The following IFNGR2 variants were observed in gnomAD, a reference collection of about 807,000 sequenced individuals.
IFNGR2 encodes the protein IFN-gamma receptor 2.
Under a neutral mutation model 41.1 loss-of-function variants are expected in IFNGR2, and 15 were observed. The observed-to-expected ratio is 0.37, with a 90% CI of 0.24 to 0.56. The LOEUF is 0.56. Among genes scored for constraint, IFNGR2 ranks in the 20% least tolerant of loss-of-function variants. The pLI is 0.81. For synonymous variants in IFNGR2, 161 were observed against 171.6 expected, an observed-to-expected ratio of 0.94 and a Z score of 0.48; for missense variants, 362 against 415.7, an observed-to-expected ratio of 0.87 and a Z score of 1.12.
intron 4 of IFNGR2, among the ~76,000 whole-genome samples, chr21:33,430,391 C>G (rs1376406330): frequency 1.3e-5 from 2 of 152,182 alleles, no homozygotes; most frequent in South Asian, 2.1e-4. Flanking sequence ...AATGTAAAAC[C>G]ATCAAGTAAT....
intron 2 of IFNGR2, among the ~76,000 whole-genome samples, chr21:33,419,235 A>G (rs1228787060): frequency 6.6e-6 from 1 of 152,004 alleles, no homozygotes; most frequent in East Asian, 1.9e-4. Context: ...CCTTCCAAGT[A>G]GCTGGGATTA....
intron 4 of IFNGR2, among the ~76,000 whole-genome samples, chr21:33,431,465 G>A (rs974800364): frequency 6.6e-6 from 1 of 152,160 alleles, no homozygotes; most frequent in Non-Finnish European, 1.5e-5. Context: ...AACTACTCAG[G>A]AGTTGGAGGC....
intron 2 of IFNGR2, 109 bp downstream of exon 2, chr21:33,415,129 C>A: frequency 7.6e-7 from 1 of 1,318,706 alleles, no homozygotes; most frequent in South Asian, 1.2e-5. Context: ...TTATCAAACC[C>A]GTGGGAAACA....
At chr21:33,427,181 G>A in intron 4 of IFNGR2, 149 bp downstream of exon 4, 1 of 764,264 alleles carries the variant, frequency 1.3e-6, no homozygotes, top group South Asian at 1.5e-5. Context: ...TGTTTTCATT[G>A]TCCTCTTCAA....
At chr21:33,410,889 C>T in intron 1 of IFNGR2, 2 of 1,541,416 alleles carry the variant, frequency 1.3e-6, no homozygotes, top group Non-Finnish European at 1.8e-6. Flanking sequence ...AGCAGCTACT[C>T]ATGGTAAGAC....
At chr21:33,419,991 G>A (rs1219493861) in intron 2 of IFNGR2, among the ~76,000 whole-genome samples, 7 of 152,082 alleles carry the variant, frequency 4.6e-5, no homozygotes, top group African/African-American at 1.4e-4. Context: ...TCCAGAGCAC[G>A]CCCCTCACCC....
chr21:33,430,365 A>G (rs2083875450), intron 4 of IFNGR2, among the ~76,000 whole-genome samples: 1 of 152,258 alleles, frequency 6.6e-6, no homozygotes, highest in African/African-American at 2.4e-5. Context: ...CAACACCATT[A>G]AACAGAAGAA....
intron 6 of IFNGR2, among the ~76,000 whole-genome samples, chr21:33,435,907 ATT>A (rs1483049340): frequency 2.8e-5 from 4 of 143,960 alleles, no homozygotes; most frequent in African/African-American, 1.0e-4. Flanking sequence ...AAAAAAAAAA[ATT>A]AGCCAGCCGT....
At chr21:33,415,282 G>A (rs757031692) in intron 2 of IFNGR2, among the ~76,000 whole-genome samples, 8 of 152,144 alleles carry the variant, frequency 5.3e-5, no homozygotes, top group African/African-American at 9.7e-5. Context: ...TCATTCTTTC[G>A]CTGGTTTCAG....
intron 1 of IFNGR2, among the ~76,000 whole-genome samples, chr21:33,404,239 C>CAGGG (rs2083661926): frequency 1.3e-5 from 2 of 152,220 alleles, no homozygotes; most frequent in Admixed American, 1.3e-4. Context: ...AGCGGTGGAG[C>CAGGG]AGGGACCAGC....
chr21:33,424,791 G>A (rs949953820), intron 3 of IFNGR2, among the ~76,000 whole-genome samples: 9 of 152,178 alleles, frequency 5.9e-5, no homozygotes, highest in African/African-American at 2.2e-4. Context: ...GCCCAGGCTG[G>A]AGTGCAGTGG....
intron 2 of IFNGR2, among the ~76,000 whole-genome samples, chr21:33,420,735 T>C (rs545885911): frequency 6.6e-6 from 1 of 152,188 alleles, no homozygotes; most frequent in East Asian, 1.9e-4. Flanking sequence ...ATTCAACAAT[T>C]AGAAGACAAA....
chr21:33,419,142 G>C (rs977045956), intron 2 of IFNGR2, among the ~76,000 whole-genome samples: 1 of 152,112 alleles, frequency 6.6e-6, no homozygotes, highest in Non-Finnish European at 1.5e-5. Context: ...GTCTTACTCT[G>C]TTGCCCAGGC....
chr21:33,426,400 C>T (rs570757484), intron 3 of IFNGR2, among the ~76,000 whole-genome samples: 2 of 149,066 alleles, frequency 1.3e-5, no homozygotes, highest in South Asian at 2.1e-4. Flanking sequence ...GTGATATGTG[C>T]GAGATTCCAT....
At chr21:33,405,265 G>A (rs773812034) in intron 1 of IFNGR2, among the ~76,000 whole-genome samples, 2 of 152,174 alleles carry the variant, frequency 1.3e-5, no homozygotes, top group Admixed American at 6.6e-5. Context: ...CTTCCCATTC[G>A]AAGCTATAAC....
At chr21:33,410,870 C>A in intron 1 of IFNGR2, 2 of 1,547,552 alleles carry the variant, frequency 1.3e-6, no homozygotes, top group Non-Finnish European at 1.7e-6. Context: ...AAGAATGGTG[C>A]AATGATTCAG....
At chr21:33,432,580 A>G in intron 5 of IFNGR2, 134 bp from the exon 6 acceptor site, 4 of 1,003,710 alleles carry the variant, frequency 4.0e-6, no homozygotes, top group Non-Finnish European at 6.3e-6. Flanking sequence ...ATACCAGGTG[A>G]GGGTGGGGGG....
intron 4 of IFNGR2, among the ~76,000 whole-genome samples, chr21:33,431,914 T>C (rs1349197642): frequency 2.0e-5 from 3 of 152,222 alleles, no homozygotes; most frequent in Non-Finnish European, 4.4e-5. Flanking sequence ...AAATTGGGAT[T>C]TACTGAAGTC....
At chr21:33,416,633 T>C (rs1268838860) in intron 2 of IFNGR2, among the ~76,000 whole-genome samples, 1 of 151,944 alleles carries the variant, frequency 6.6e-6, no homozygotes, top group Non-Finnish European at 1.5e-5. Flanking sequence ...CCATCCTGGC[T>C]AACACGCTGA....
Sources: gnomAD v4.1 joint callset for allele counts (sites outside exome capture counted in the v4.1 genomes callset) on GRCh38, gnomAD v4.1.1 for gene constraint, MANE v1.5 for transcripts, NCBI Gene and HGNC (gene_info 2026-07-23, HGNC 2026-07-21) for gene names.